The following LRRC45 variants were observed in gnomAD, a reference collection of about 807,000 sequenced individuals.
The protein encoded by LRRC45 is leucine rich repeat containing 45.
A neutral mutation model predicts 85.4 loss-of-function variants in LRRC45; 73 were observed. That is an observed-to-expected ratio of 0.85 (90% CI 0.71 to 1.04). The LOEUF is 1.04. Among genes scored for constraint, LRRC45 ranks in the 50% least tolerant of loss-of-function variants. The pLI is 0.00. For missense variants in LRRC45, 937 were observed against 883.3 expected, an observed-to-expected ratio of 1.06 and a Z score of -0.77; for synonymous variants, 429 against 386.0, an observed-to-expected ratio of 1.11 and a Z score of -1.31.
Position 82,025,100 on chromosome 17 carries a change from C to G in LRRC45, c.454C>G (p.Arg152Gly). ...CGGCGCCCTGCAGCGGCTGGACCTCCGCAACAACCAGATCAGTCACAAGGG... is the reference window on the plus strand; with the variant it reads ...CGGCGCCCTGCAGCGGCTGGACCTCGGCAACAACCAGATCAGTCACAAGGG... The part of the protein sequence containing the change: ...ANGALQRLDL[R>G]NNQISHKGAE... Residue 152 changes from arginine (R) to glycine (G), a missense_variant, in exon 4 of 17, where the codon CGC (arginine) becomes GGC (glycine). Coordinates refer to ENST00000306688, the MANE Select transcript of LRRC45 (RefSeq NM_144999.4). 6.2e-7 allele frequency: 1 copy of G among 1,611,062 alleles called. No individual in the cohort carries two copies. Among genetic ancestry groups the G allele is most frequent in the Non-Finnish European group, 8.5e-7 (1 of 1,179,270 alleles).
chr17:82,028,346 T>G, intron 10 of LRRC45, 35 bp downstream of exon 10: 1 of 1,605,374 alleles, frequency 6.2e-7, no homozygotes, highest in African/African-American at 1.3e-5. Flanking sequence ...GAGCCCAGGG[T>G]GGGCGCGGCA....
At chr17:82,028,954 C>G in intron 12 of LRRC45, 139 bp from the exon 13 acceptor site, 1 of 806,602 alleles carries the variant, frequency 1.2e-6, no homozygotes, top group Non-Finnish European at 2.0e-6. Context: ...TAGTTTCCTG[C>G]TAGGCCATCT....
chr17:82,029,003 G>C (rs751247575), intron 12 of LRRC45, 90 bp from the exon 13 acceptor site: 6 of 1,204,548 alleles, frequency 5.0e-6, no homozygotes, highest in Non-Finnish European at 5.9e-6. Context: ...GTTCTCAAGA[G>C]ACACCTGCCT....
Position 82,026,927 on chromosome 17 carries a change from G to T in LRRC45, c.690G>T (p.Arg230=). 1 of 1,607,120 alleles carries T rather than the reference G, an allele frequency of 6.2e-7. No individual in the cohort carries two copies. Residue 230 remains arginine, a synonymous_variant, in exon 6 of 17, where the codon CGG becomes CGT. Coordinates refer to ENST00000306688, the MANE Select transcript of LRRC45 (RefSeq NM_144999.4). ...AAGCCATGGGCCACAGCCAGGACCG[G>T]CTCACCACCTTCCAGGAGAACCAAG... is the stretch of plus-strand genomic sequence containing the variant. ...VEQAMGHSQD[R]LTTFQENQAR... is the part of the protein sequence containing the mutation.
In LRRC45 at chr17:82,028,637, G is replaced by C; in HGVS notation, c.1262G>C (p.Arg421Thr). 1 of 1,612,934 alleles carries C rather than the reference G, an allele frequency of 6.2e-7. No individual in the cohort carries two copies. Among genetic ancestry groups the C allele is most frequent in the Non-Finnish European group, 8.5e-7 (1 of 1,179,944 alleles). ...AEERLDMEKR[R>T]CRQSLEDSES... ...GAGCGCCTGGACATGGAGAAGAGAAGATGCAGACAGAGCCTGGAGGACTCC... is the reference window on the plus strand; with the variant it reads ...GAGCGCCTGGACATGGAGAAGAGAACATGCAGACAGAGCCTGGAGGACTCC... Residue 421 changes from arginine to threonine, a missense_variant, in exon 12 of 17, where the codon AGA becomes ACA. Arg to Thr is a moderately conservative substitution (Grantham distance 71, BLOSUM62 -1). Coordinates refer to ENST00000306688, the MANE Select transcript of LRRC45 (RefSeq NM_144999.4).
intron 5 of LRRC45, among the ~76,000 whole-genome samples, chr17:82,025,950 C>T (rs1217971059): frequency 6.6e-6 from 1 of 152,210 alleles, no homozygotes; most frequent in East Asian, 1.9e-4. Context: ...TTCCCTCCCA[C>T]CAGCGACCCC....
rs1276538322 is a variant in LRRC45, at chr17:82,030,478, C to A, written c.1816+12C>A. ...GCGCCAGCTGAAAGGTGAGCCAGACCCTTGTCCTCCCGCCGCCCACTGGTG... is the reference window on the plus strand; with the variant it reads ...GCGCCAGCTGAAAGGTGAGCCAGACACTTGTCCTCCCGCCGCCCACTGGTG... On this transcript the variant is annotated intron_variant, in intron 16 of 16. Coordinates refer to ENST00000306688, the MANE Select transcript of LRRC45 (RefSeq NM_144999.4). The A allele has an allele frequency of 1.3e-6, 2 of 1,537,558 alleles. No homozygotes were observed. Among genetic ancestry groups the A allele is most frequent in the East Asian group, 2.4e-5 (1 of 40,912 alleles).
At chr17:82,026,358 G>A (rs938538498) in intron 5 of LRRC45, among the ~76,000 whole-genome samples, 1 of 152,160 alleles carries the variant, frequency 6.6e-6, no homozygotes, top group Admixed American at 6.5e-5. Flanking sequence ...ACATGTGCAC[G>A]CGCTCCCCAA....
intron 7 of LRRC45, 92 bp downstream of exon 7, chr17:82,027,536 G>A: frequency 1.3e-6 from 2 of 1,575,428 alleles, no homozygotes; most frequent in Middle Eastern, 1.7e-4. Context: ...CACGAGTGAG[G>A]CCACGAGGAG....
chr17:82,023,685 G>GT lies in LRRC45; in HGVS notation c.42_43insT (p.Ser15Ter). ...GCTCCTACAGCCGCCTGTGCAGGGAGAGTGGGGCCGAGCCCCAGGAGGCTG... is the reference window on the plus strand; with the variant it reads ...GCTCCTACAGCCGCCTGTGCAGGGAGTAGTGGGGCCGAGCCCCAGGAGGCTG... On this transcript the variant is annotated frameshift_variant, in exon 1 of 17. Coordinates refer to ENST00000306688, the MANE Select transcript of LRRC45 (RefSeq NM_144999.4). LOFTEE classifies it high-confidence loss of function. The GT allele has an allele frequency of 6.4e-7, 1 of 1,552,720 alleles. No individual in the cohort carries two copies.
chr17:82,027,052 C>A, intron 6 of LRRC45, 41 bp downstream of exon 6: 2 of 1,485,668 alleles, frequency 1.3e-6, no homozygotes, highest in Non-Finnish European at 1.8e-6. Context: ...CTGCTTATGG[C>A]TGGAGGGCCT....
In LRRC45 at chr17:82,031,086, C is replaced by T. The variant is rs980830395; in HGVS notation, c.*281C>T. On this transcript the variant is annotated 3_prime_UTR_variant, in exon 17 of 17. Coordinates refer to ENST00000306688, the MANE Select transcript of LRRC45 (RefSeq NM_144999.4). ...TCCCCCTCGCCTTTTGCGATGTCAC[C>T]GTGAACGCTGCGGCCGCCTGCGCGC... 1.1e-5 allele frequency: 4 copies of T among 371,290 alleles called. No homozygotes were observed. The highest frequency in any genetic ancestry group is 3.8e-5 in the East Asian group (1 of 26,116). The allele number at this position is 371,290 out of a possible 1,614,324, so 23.0% of individuals were successfully genotyped here. A position where few individuals can be genotyped will look rare whatever the true frequency, so the allele number is the denominator to read the frequency against.
intron 1 of LRRC45, 138 bp downstream of exon 1, chr17:82,024,001 AC>A: frequency 1.2e-6 from 1 of 819,316 alleles, no homozygotes. Flanking sequence ...CCCTTCCTGC[AC>A]CTGGGAGTAG....
At chr17:82,028,581 T>G (rs1160620909) in intron 11 of LRRC45, 32 bp from the exon 12 acceptor site, 1 of 1,612,480 alleles carries the variant, frequency 6.2e-7, no homozygotes, top group East Asian at 2.2e-5. Flanking sequence ...CAGGGGATGC[T>G]CACGCATACT....
At position 82,030,661 on chromosome 17, in the gene LRRC45, G is replaced by A; in HGVS notation, c.1869G>A (p.Ala623=). ...TGCTGGACAGGGAGAGCGAGAACGC[G>A]TCTCTCCGGGAGAAGCTGCGGCTCC... ...EALLDRESEN[A]SLREKLRLRE... is the part of the protein sequence containing the mutation. Residue 623 remains alanine (A), a synonymous_variant, in exon 17 of 17, where the codon GCG becomes GCA. Coordinates refer to ENST00000306688, the MANE Select transcript of LRRC45 (RefSeq NM_144999.4). 3 of 1,441,744 alleles carry A rather than the reference G, an allele frequency of 2.1e-6. No homozygotes were observed. The highest frequency in any genetic ancestry group is 2.9e-5 in the South Asian group (2 of 69,924). The allele number at this position is 1,441,744 out of a possible 1,614,324, so 89.3% of individuals were successfully genotyped here. A position where few individuals can be genotyped will look rare whatever the true frequency, so the allele number is the denominator to read the frequency against.
chr17:82,024,735 C>A lies in LRRC45; in HGVS notation c.325C>A (p.Leu109Ile). Residue 109 changes from leucine to isoleucine, a missense_variant, in exon 3 of 17, where the codon CTC becomes ATC. Leu to Ile is a conservative substitution (Grantham distance 5). Transcript: ENST00000306688. ...RAAGAEALGK[L>I]LQQNKSIQSL... ...TGCAGGGGCCGAGGCTCTGGGAAAA[C>A]TCCTCCAACAGAACAAGTCCATTCA... is the stretch of plus-strand genomic sequence containing the variant. The A allele has an allele frequency of 1.3e-6, 2 of 1,578,822 alleles. No homozygotes were observed. Among genetic ancestry groups the A allele is most frequent in the Non-Finnish European group, 1.7e-6 (2 of 1,166,550 alleles).
rs774005755 is a variant in LRRC45 at position 82,027,022 on chromosome 17, C to T, written c.774+11C>T. ...GAGAAGTCCAAGCAGGTGAGGATGGCGCCTTCACTGACCTTGGAGCTGCTT... is the reference window on the plus strand; with the variant it reads ...GAGAAGTCCAAGCAGGTGAGGATGGTGCCTTCACTGACCTTGGAGCTGCTT... On this transcript the variant is annotated intron_variant, in intron 6 of 16. Transcript: ENST00000306688. The T allele has an allele frequency of 1.9e-6, 3 of 1,577,002 alleles. No homozygotes were observed. The highest frequency in any genetic ancestry group is 3.7e-5 in the Admixed American group (2 of 54,606).
chr17:82,030,380 A>C lies in LRRC45; in HGVS notation c.1730A>C (p.Gln577Pro). The C allele has an allele frequency of 6.5e-7, 1 of 1,549,986 alleles. No individual in the cohort carries two copies. The highest frequency in any genetic ancestry group is 8.7e-7 in the Non-Finnish European group (1 of 1,146,922). Residue 577 changes from glutamine (Q) to proline (P), a missense_variant, in exon 16 of 17, where the codon CAG becomes CCG. By Grantham distance (76) the Gln-to-Pro change is moderately conservative. Coordinates refer to ENST00000306688, the MANE Select transcript of LRRC45 (RefSeq NM_144999.4). ...AEVSRVRVELQEQNGRLQAEL... is the reference protein window; with the variant it reads ...AEVSRVRVELPEQNGRLQAEL... ...GTGAGCAGGGTGCGCGTGGAGCTGC[A>C]GGAGCAGAACGGCCGGCTGCAGGCG...
chr17:82,028,914 G>T (rs1490704037), intron 12 of LRRC45, 179 bp from the exon 13 acceptor site: 2 of 714,922 alleles, frequency 2.8e-6, no homozygotes, highest in Non-Finnish European at 4.7e-6. Context: ...AGACACCAAG[G>T]CCCACTCGTT....
Sources: gnomAD v4.1 joint callset for allele counts (sites outside exome capture counted in the v4.1 genomes callset) on GRCh38, gnomAD v4.1.1 for gene constraint, MANE v1.5 for transcripts, NCBI Gene and HGNC (gene_info 2026-07-23, HGNC 2026-07-21) for gene names.